Variants in TRANK1 observed in about 807,000 individuals in gnomAD.
TRANK1 encodes tetratricopeptide repeat and ankyrin repeat containing 1.
In TRANK1, 198 loss-of-function variants were observed where a neutral mutation model predicts 266.0. The ratio of observed to expected loss-of-function variants is 0.74; its 90% CI spans 0.66 to 0.84. The LOEUF (loss-of-function observed/expected upper bound fraction) is 0.84, where lower values mean the gene tolerates loss of function less well. TRANK1 is among the 40% of genes least tolerant of loss of function. The probability of loss-of-function intolerance (pLI) is 0.00; values close to 1 mark genes in which losing one functional copy is unlikely to be tolerated. For synonymous variants in TRANK1, 1,396 were observed against 1,384.1 expected (o/e 1.01, Z -0.19); for missense variants, 3,326 against 3,634.6 (o/e 0.92, Z 2.18).
Position 36,895,690 on chromosome 3 carries a change from C to G in TRANK1, c.502G>C (p.Glu168Gln), listed in dbSNP as rs545760648. ...DHIFTTGFPT[E>Q]VWQSVIEKLA... ...TTTTCTATTACAGATTGCCACACTT[C>G]TGTTGGGAATCCAGTTGTGAAAATA... The change falls in exon 5 of 24, where the codon GAA (glutamate) becomes CAA (glutamine). Residue 168 changes from glutamate (E) to glutamine (Q), a missense_variant. Glu to Gln is a conservative substitution (Grantham distance 29, BLOSUM62 2). Coordinates refer to ENST00000645898, the MANE Select transcript of TRANK1 (RefSeq NM_001329998.2). 6.5e-7 allele frequency: 1 copy of G among 1,536,728 alleles called. No homozygotes were observed. The highest frequency in any genetic ancestry group is 2.0e-5 in the Admixed American group (1 of 50,804).
chr3:36,842,547 C>T, intron 18 of TRANK1, 75 bp downstream of exon 18: 1 of 1,319,812 alleles, frequency 7.6e-7, no homozygotes, highest in African/African-American at 1.4e-5. Context: ...GTGACAAACA[C>T]CATGATGTGA....
In TRANK1 at chr3:36,884,390, G is replaced by A. The variant is rs371300243; in HGVS notation, c.907+5439C>T. ...ATTCCAGGGCTGGGACAGGGACCAC[G>A]CAATATGAACCTGGAACACCTTGTG... On this transcript the variant is annotated intron_variant, in intron 8 of 23. Coordinates refer to ENST00000645898, the MANE Select transcript of TRANK1 (RefSeq NM_001329998.2). Among the ~76,000 whole-genome samples the A allele has an allele frequency of 1.8e-4, 27 of 152,282 alleles. 1 individual carries two copies. Among genetic ancestry groups the A allele is most frequent in the East Asian group, 1.7e-3 (9 of 5,178 alleles).
rs2079355687 is a variant in TRANK1, at chr3:36,874,396, G to T, written c.908-100C>A. On this transcript the variant is annotated intron_variant, in intron 8 of 23. Transcript: ENST00000645898. ...CTCAGTCTCCTCCCAAGCAGCCCAGGGCAAGAGGACTAGGGTCTTCTGTTT... is the reference window on the plus strand; with the variant it reads ...CTCAGTCTCCTCCCAAGCAGCCCAGTGCAAGAGGACTAGGGTCTTCTGTTT... 8.3e-6 allele frequency: 11 copies of T among 1,331,912 alleles called. No homozygotes were observed. In the South Asian group the frequency reaches 1.3e-4, roughly 16 times the overall value. 82.5% of individuals were successfully genotyped at this position (1,331,912 alleles called of 1,614,324 possible).
At chr3:36,864,204 A>T in intron 10 of TRANK1, 115 bp downstream of exon 10, 2 of 1,162,484 alleles carry the variant, frequency 1.7e-6, no homozygotes, top group Non-Finnish European at 2.3e-6. Flanking sequence ...TGAATGTTTT[A>T]CATGTAGATA....
intron 1 of TRANK1, among the ~76,000 whole-genome samples, chr3:36,929,605 G>A (rs2080334103): frequency 6.6e-6 from 1 of 152,146 alleles, no homozygotes; most frequent in Non-Finnish European, 1.5e-5. Flanking sequence ...TAAACATCTG[G>A]AAAATAAGTT....
At chr3:36,912,215 A>G (rs2080062310) in intron 1 of TRANK1, among the ~76,000 whole-genome samples, 1 of 151,906 alleles carries the variant, frequency 6.6e-6, no homozygotes, top group Non-Finnish European at 1.5e-5. Flanking sequence ...CTATAAGGTC[A>G]GCGTGACTCT....
chr3:36,849,906 T>C (rs2078964552), intron 15 of TRANK1: 1 of 531,496 alleles, frequency 1.9e-6, no homozygotes, highest in African/African-American at 2.1e-5. Flanking sequence ...AGTGGATGTT[T>C]ACAAAAGATT....
intron 1 of TRANK1, among the ~76,000 whole-genome samples, chr3:36,910,746 A>C (rs1430891278): frequency 6.6e-6 from 1 of 150,432 alleles, no homozygotes; most frequent in African/African-American, 2.5e-5. Flanking sequence ...TCTCCAAAAA[A>C]TAAAATAAAA....
At chr3:36,914,042 T>C (rs2080091294) in intron 1 of TRANK1, among the ~76,000 whole-genome samples, 1 of 152,188 alleles carries the variant, frequency 6.6e-6, no homozygotes, top group African/African-American at 2.4e-5. Flanking sequence ...ATTTATAACC[T>C]AAAAGTCATT....
At position 36,879,859 on chromosome 3, in the gene TRANK1, A is replaced by AGT. The variant is rs1459696701; in HGVS notation, c.908-5564_908-5563insAC. On this transcript the variant is annotated intron_variant, in intron 8 of 23. Coordinates refer to ENST00000645898, the MANE Select transcript of TRANK1 (RefSeq NM_001329998.2). ...ATATACAAATATATGTAAATATACA[A>AGT]ATATATGTAAACATACAAATATATG... is the stretch of plus-strand genomic sequence containing the variant. 1.1e-4 allele frequency among the ~76,000 whole-genome samples: 11 copies of AGT among 97,246 alleles called. 3 individuals are homozygous for AGT. The East Asian group carries it at 4.0e-3, about 36-fold the overall frequency. 63.8% of individuals were successfully genotyped at this position (97,246 alleles called of 152,430 possible). A position where few individuals can be genotyped will look rare whatever the true frequency, so the allele number is the denominator to read the frequency against.
At chr3:36,848,828 C>T (rs1220037753) in intron 15 of TRANK1, among the ~76,000 whole-genome samples, 1 of 152,142 alleles carries the variant, frequency 6.6e-6, no homozygotes, top group East Asian at 1.9e-4. Context: ...AAGTGTTTGA[C>T]ATTTGAGAGG....
chr3:36,943,635 C>CTTT (rs113837132), intron 1 of TRANK1, among the ~76,000 whole-genome samples: 23 of 145,708 alleles, frequency 1.6e-4, no homozygotes, highest in African/African-American at 5.8e-4. Context: ...CACCGTAGTA[C>CTTT]TTTTTTTTTT....
At chr3:36,930,904 T>C (rs952734369) in intron 1 of TRANK1, among the ~76,000 whole-genome samples, 1 of 152,210 alleles carries the variant, frequency 6.6e-6, no homozygotes, top group African/African-American at 2.4e-5. Flanking sequence ...GAGCAGTAAC[T>C]TAAAATCTGT....
Position 36,879,835 on chromosome 3 carries a change from T to TATACAAATATATGTAAAC in TRANK1, c.908-5540_908-5539insGTTTACATATATTTGTAT, listed in dbSNP as rs2079475305. 1.9e-4 allele frequency among the ~76,000 whole-genome samples: 19 copies of TATACAAATATATGTAAAC among 101,896 alleles called. 6 individuals are homozygous for TATACAAATATATGTAAAC. The highest frequency in any genetic ancestry group is 1.4e-3 in the South Asian group (5 of 3,634). The allele number at this position is 101,896 out of a possible 152,430, so 66.8% of individuals were successfully genotyped here. A position where few individuals can be genotyped will look rare whatever the true frequency, so the allele number is the denominator to read the frequency against. On this transcript the variant is annotated intron_variant, in intron 8 of 23. Transcript: ENST00000645898. ...ATGTAAATATACAAATATATGTAAA[T>TATACAAATATATGTAAAC]ATACAAATATATGTAAATATACAAA...
chr3:36,908,824 T>G (rs1447810821), intron 1 of TRANK1, among the ~76,000 whole-genome samples: 1 of 152,198 alleles, frequency 6.6e-6, no homozygotes, highest in African/African-American at 2.4e-5. Flanking sequence ...AGGAAGGCAT[T>G]GTCCCCACTG....
In TRANK1 at chr3:36,892,876, T is replaced by TAG. The variant is rs772864938; in HGVS notation, c.636+24_636+25insCT. On this transcript the variant is annotated intron_variant, in intron 6 of 23. Transcript: ENST00000645898. ...ACATATATATATATATATATAGATA[T>TAG]ATATAGATATATATATCACCTTACC... is the stretch of plus-strand genomic sequence containing the variant. The TAG allele has an allele frequency of 8.1e-5, 73 of 897,286 alleles. No homozygotes were observed. The East Asian group carries it at 8.3e-4, about 10-fold the overall frequency. 55.6% of individuals were successfully genotyped at this position (897,286 alleles called of 1,614,324 possible).
At chr3:36,940,364 G>T (rs2080480898) in intron 1 of TRANK1, among the ~76,000 whole-genome samples, 1 of 151,970 alleles carries the variant, frequency 6.6e-6, no homozygotes. Flanking sequence ...GCCGGGCGTG[G>T]TGGCAGGCGC....
rs1419851364 is a variant in TRANK1 at position 36,856,727 on chromosome 3, C to G, written c.2995G>C (p.Asp999His). 1 of 1,613,932 alleles carries G rather than the reference C, an allele frequency of 6.2e-7. No homozygotes were observed. The highest frequency in any genetic ancestry group is 1.3e-5 in the African/African-American group (1 of 74,936). Residue 999 changes from aspartate (D) to histidine (H), a missense_variant, in exon 13 of 24, where the codon GAC becomes CAC. Transcript: ENST00000645898. Reference protein sequence around the residue: ...QKRIPRCYVEDTEAEKGREHV... With the variant: ...QKRIPRCYVEHTEAEKGREHV... ...TCCCTGCCCTTCTCGGCCTCTGTGTCCTCCACATAGCAGCGAGGTATACGC... is the reference window on the plus strand; with the variant it reads ...TCCCTGCCCTTCTCGGCCTCTGTGTGCTCCACATAGCAGCGAGGTATACGC...
At chr3:36,914,172 C>T (rs2080093170) in intron 1 of TRANK1, among the ~76,000 whole-genome samples, 2 of 151,738 alleles carry the variant, frequency 1.3e-5, no homozygotes, top group Admixed American at 1.3e-4. Context: ...CTCACTCTGT[C>T]GCCCAGGCTG....
Sources: allele counts gnomAD v4.1 joint callset (sites outside exome capture counted in the v4.1 genomes callset), GRCh38; gene constraint gnomAD v4.1.1; transcripts MANE v1.5; gene names NCBI Gene and HGNC (gene_info 2026-07-23, HGNC 2026-07-21).